The following EPHA3 variants were observed in gnomAD, a reference collection of about 807,000 sequenced individuals.
EPHA3 encodes the protein EPH receptor A3.
A neutral mutation model predicts 107.1 loss-of-function variants in EPHA3; 42 were observed. The ratio of observed to expected loss-of-function variants is 0.39; its 90% confidence interval spans 0.31 to 0.51. EPHA3 has a LOEUF of 0.51. Among genes scored for constraint, EPHA3 ranks in the 20% least tolerant of loss-of-function variants. EPHA3 has a pLI of 0.78. For missense variants in EPHA3, 1,183 were observed against 1,211.2 expected (o/e 0.98, Z 0.35); for synonymous variants, 461 against 424.8 (o/e 1.09, Z -1.05).
At chr3:89,244,284 A>G (rs1704979426) in intron 3 of EPHA3, among the ~76,000 whole-genome samples, 1 of 152,190 alleles carries the variant, frequency 6.6e-6, no homozygotes, top group African/African-American at 2.4e-5. Context: ...GAATGAAAGT[A>G]TCTTTGTTAT....
At chr3:89,201,910 C>T (rs957619741) in intron 2 of EPHA3, among the ~76,000 whole-genome samples, 1 of 152,126 alleles carries the variant, frequency 6.6e-6, no homozygotes, top group African/African-American at 2.4e-5. Flanking sequence ...ATCCACAGCC[C>T]GCTGCCCTAT....
rs1268234497 is a variant in EPHA3 at position 89,349,795 on chromosome 3, C to T, written c.1306+7705C>T. ...ATGTTTAGCGCTTCCTTCAGGAGCT[C>T]TTTTAGGGCAGGCCTGGTGGTGACA... On this transcript the variant is annotated intron_variant, in intron 5 of 16. Coordinates refer to ENST00000336596, the MANE Select transcript of EPHA3 (RefSeq NM_005233.6). 7.6e-4 allele frequency among the ~76,000 whole-genome samples: 112 copies of T among 147,768 alleles called. 1 individual carries two copies. The highest frequency in any genetic ancestry group is 1.1e-3 in the African/African-American group (43 of 39,120).
chr3:89,198,307 A>T (rs1331651178), intron 2 of EPHA3, among the ~76,000 whole-genome samples: 2 of 152,200 alleles, frequency 1.3e-5, no homozygotes, highest in East Asian at 3.8e-4. Flanking sequence ...CAACCATTTT[A>T]AATGGACAAT....
At chr3:89,232,144 A>G (rs1021135439) in intron 3 of EPHA3, among the ~76,000 whole-genome samples, 3 of 152,070 alleles carry the variant, frequency 2.0e-5, no homozygotes, top group Admixed American at 6.6e-5. Context: ...CTGAGCCCCA[A>G]TGGGACCACA....
At chr3:89,284,450 A>C (rs1414269100) in intron 3 of EPHA3, among the ~76,000 whole-genome samples, 4 of 151,174 alleles carry the variant, frequency 2.6e-5, no homozygotes, top group African/African-American at 9.7e-5. Flanking sequence ...CTTTTTTTTT[A>C]TCAGTTATAT....
intron 3 of EPHA3, among the ~76,000 whole-genome samples, chr3:89,242,967 A>T (rs936532544): frequency 8.0e-6 from 1 of 124,290 alleles, no homozygotes; most frequent in African/African-American, 3.1e-5. Context: ...ATGTGTTCTC[A>T]TTGTTCAATT....
At chr3:89,368,871 C>T (rs1379597544) in intron 5 of EPHA3, among the ~76,000 whole-genome samples, 5 of 150,502 alleles carry the variant, frequency 3.3e-5, no homozygotes, top group African/African-American at 1.2e-4. Flanking sequence ...CATCCCTTAG[C>T]CCAGTCAAAT....
At chr3:89,351,260 A>G (rs1410693529) in intron 5 of EPHA3, among the ~76,000 whole-genome samples, 2 of 151,160 alleles carry the variant, frequency 1.3e-5, no homozygotes, top group Non-Finnish European at 3.0e-5. Flanking sequence ...TGTGCTAGCA[A>G]TCAGCGAGAT....
chr3:89,205,503 G>T (rs1490873976), intron 2 of EPHA3, among the ~76,000 whole-genome samples: 3 of 152,084 alleles, frequency 2.0e-5, no homozygotes, highest in African/African-American at 7.2e-5. Context: ...AGAAAGTTTG[G>T]ATGCATAGGT....
intron 3 of EPHA3, among the ~76,000 whole-genome samples, chr3:89,332,044 C>G (rs1707301065): frequency 6.6e-6 from 1 of 152,178 alleles, no homozygotes; most frequent in East Asian, 1.9e-4. Context: ...TTAATAACAT[C>G]TTCATAAATA....
intron 2 of EPHA3, among the ~76,000 whole-genome samples, chr3:89,136,330 C>T (rs895274717): frequency 0.02 from 455 of 23,262 alleles, 1 homozygote; most frequent in Admixed American, 0.023. Flanking sequence ...ATCTTACAGG[C>T]TTTTTTTTTT....
At chr3:89,445,823 G>C (rs572069128) in intron 13 of EPHA3, among the ~76,000 whole-genome samples, 1 of 152,180 alleles carries the variant, frequency 6.6e-6, no homozygotes, top group South Asian at 2.1e-4. Flanking sequence ...GGTATCTACT[G>C]CACAATGTGG....
intron 3 of EPHA3, among the ~76,000 whole-genome samples, chr3:89,233,562 G>GT (rs1312460526): frequency 3.3e-5 from 5 of 152,156 alleles, no homozygotes; most frequent in Non-Finnish European, 4.4e-5. Flanking sequence ...ACCGGCTGTT[G>GT]TTTTTTCTCA....
intron 3 of EPHA3, among the ~76,000 whole-genome samples, chr3:89,316,600 T>C (rs1706912902): frequency 6.7e-6 from 1 of 148,578 alleles, no homozygotes. Flanking sequence ...AAAGCACTTC[T>C]CTTTTACTGT....
chr3:89,389,164 A>G (rs1022597377), intron 5 of EPHA3, among the ~76,000 whole-genome samples: 2 of 152,166 alleles, frequency 1.3e-5, no homozygotes, highest in African/African-American at 4.8e-5. Context: ...AAATCAGAAC[A>G]CCAGGTTTGG....
At chr3:89,115,236 TGAA>T (rs916311473) in intron 1 of EPHA3, among the ~76,000 whole-genome samples, 2 of 149,240 alleles carry the variant, frequency 1.3e-5, no homozygotes, top group South Asian at 4.3e-4. Context: ...TAGACTAAAA[TGAA>T]GAATATCTTT....
At chr3:89,136,426 T>C (rs1337898914) in intron 2 of EPHA3, among the ~76,000 whole-genome samples, 3 of 138,894 alleles carry the variant, frequency 2.2e-5, no homozygotes, top group African/African-American at 8.0e-5. Flanking sequence ...AGAAATCAGA[T>C]AAGATAGAAT....
At chr3:89,326,558 T>C (rs1707169785) in intron 3 of EPHA3, among the ~76,000 whole-genome samples, 1 of 151,856 alleles carries the variant, frequency 6.6e-6, no homozygotes, top group Non-Finnish European at 1.5e-5. Context: ...CCCTGCTAAT[T>C]TTTGTATTTT....
chr3:89,173,806 A>G (rs1705259219), intron 2 of EPHA3, among the ~76,000 whole-genome samples: 1 of 152,046 alleles, frequency 6.6e-6, no homozygotes, highest in Admixed American at 6.5e-5. Context: ...GTTTTAAGTT[A>G]CATATAAAAA....
Sources: gnomAD v4.1 joint callset for allele counts (sites outside exome capture counted in the v4.1 genomes callset) on GRCh38, gnomAD v4.1.1 for gene constraint, MANE v1.5 for transcripts, NCBI Gene and HGNC (gene_info 2026-07-23, HGNC 2026-07-21) for gene names.